The following COL7A1 variants were observed in gnomAD, a reference collection of about 807,000 sequenced individuals.
COL7A1 encodes collagen alpha-1(VII) chain.
Under a neutral mutation model 456.2 loss-of-function variants are expected in COL7A1, and 296 were observed. That is an observed-to-expected ratio of 0.65 (90% CI 0.59 to 0.71). The LOEUF (loss-of-function observed/expected upper bound fraction) is 0.71, where lower values mean the gene tolerates loss of function less well. Ranked by LOEUF, COL7A1 falls within the 30% of genes least tolerant of loss-of-function variation. The probability of loss-of-function intolerance (pLI) is 0.00; values close to 1 mark genes in which losing one functional copy is unlikely to be tolerated. For missense variants in COL7A1, 3,441 were observed against 4,017.2 expected (o/e 0.86, Z 3.88); for synonymous variants, 1,464 against 1,525.9 (o/e 0.96, Z 0.95).
chr3:48,576,124 T>A (rs2044280984), intron 71 of COL7A1, 125 bp downstream of exon 71: 1 of 1,485,918 alleles, frequency 6.7e-7, no homozygotes, highest in East Asian at 2.3e-5. Context: ...AGAACCCCAA[T>A]GGGGCAGGGC....
chr3:48,589,491 A>T, intron 17 of COL7A1, 21 bp from the exon 18 acceptor site: 1 of 1,613,318 alleles, frequency 6.2e-7, no homozygotes. Flanking sequence ...GGATGGAGGC[A>T]GCTCCAGGGC....
Position 48,594,717 on chromosome 3 carries a change from G to C in COL7A1, c.86-169C>G, listed in dbSNP as rs914369538. Among the ~76,000 whole-genome samples the C allele has an allele frequency of 6.6e-6, 1 of 152,150 alleles. No individual in the cohort carries two copies. Among genetic ancestry groups the C allele is most frequent in the Non-Finnish European group, 1.5e-5 (1 of 68,018 alleles). On this transcript the variant is annotated intron_variant, in intron 2 of 118. Transcript: ENST00000681320. The surrounding 1 kb of genome is among the most constrained non-coding windows in gnomAD (Gnocchi z 5.5). ...GGCCTTGGAGGGAGTTGAGCTCGGT[G>C]GGTCCCAGAGCAGACTCCCGCGGAG...
chr3:48,579,746 C>T lies in COL7A1; in HGVS notation c.5154+39G>A. 1 of 1,613,994 alleles carries T rather than the reference C, an allele frequency of 6.2e-7. No individual in the cohort carries two copies. The highest frequency in any genetic ancestry group is 8.5e-7 in the Non-Finnish European group (1 of 1,180,012). Reference sequence around the variant, plus strand: ...AAGGTAGAACCTGCTGGGAGGGGCACTGGGGTCTTTCTTACCCTCCACCCA... The same window carrying T: ...AAGGTAGAACCTGCTGGGAGGGGCATTGGGGTCTTTCTTACCCTCCACCCA... On this transcript the variant is annotated intron_variant, in intron 58 of 118. Coordinates refer to ENST00000681320, the MANE Select transcript of COL7A1 (RefSeq NM_000094.4). The surrounding 1 kb of genome is among the most constrained non-coding windows in gnomAD (Gnocchi z 4.4).
Position 48,581,620 on chromosome 3 carries a change from A to G in COL7A1, c.4735T>C (p.Leu1579=). The stretch of plus-strand genomic sequence containing the variant: ...GGGCCAGGGTCTCCAGGAAGAACCA[A>G]GCCGGGTGGGCCCTGTGGATGGAAG... ...GVQGERGPPG[L]VLPGDPGPKG... is the part of the protein sequence containing the mutation. The change falls in exon 50 of 119, where the codon TTG becomes CTG. Residue 1579 remains leucine, a synonymous_variant. Coordinates refer to ENST00000681320, the MANE Select transcript of COL7A1 (RefSeq NM_000094.4). This position sits in a 1 kb window ranked among gnomAD's most constrained non-coding sequence, Gnocchi z 5.8. 6.2e-7 allele frequency: 1 copy of G among 1,614,178 alleles called. No homozygotes were observed. Among genetic ancestry groups the G allele is most frequent in the Non-Finnish European group, 8.5e-7 (1 of 1,180,038 alleles).
rs777097228 is a variant in COL7A1, at chr3:48,576,513, C to T, written c.5736+9G>A. 3.4e-5 allele frequency: 54 copies of T among 1,611,868 alleles called. No individual in the cohort carries two copies. Among genetic ancestry groups the T allele is most frequent in the Non-Finnish European group, 4.0e-5 (47 of 1,179,340 alleles). On this transcript the variant is annotated intron_variant, in intron 69 of 118. Coordinates refer to ENST00000681320, the MANE Select transcript of COL7A1 (RefSeq NM_000094.4). The stretch of plus-strand genomic sequence containing the variant: ...CTCACCACGCCCCCTACCCAACATC[C>T]GCACTCACCTTGGGGCCCGTGCCTC...
Position 48,588,064 on chromosome 3 carries a change from C to A in COL7A1, c.2711-125G>T, listed in dbSNP as rs952126348. On this transcript the variant is annotated intron_variant, in intron 21 of 118. Coordinates refer to ENST00000681320, the MANE Select transcript of COL7A1 (RefSeq NM_000094.4). This position sits in a 1 kb window ranked among gnomAD's most constrained non-coding sequence, Gnocchi z 4.6. The stretch of plus-strand genomic sequence containing the variant: ...CACCCTCCTGACTGATCTTCCTCAT[C>A]CTCACTGACCCTGCCCACTTTACGG... 2.2e-6 allele frequency: 3 copies of A among 1,339,640 alleles called. No individual in the cohort carries two copies. The African/African-American group carries it at 4.3e-5, about 19-fold the overall frequency. The allele number at this position is 1,339,640 out of a possible 1,614,324, so 83.0% of individuals were successfully genotyped here. A position where few individuals can be genotyped will look rare whatever the true frequency, so the allele number is the denominator to read the frequency against.
Position 48,578,804 on chromosome 3 carries a change from A to C in COL7A1, c.5424+115T>G. On this transcript the variant is annotated intron_variant, in intron 63 of 118. Transcript: ENST00000681320. The surrounding 1 kb of genome is among the most constrained non-coding windows in gnomAD (Gnocchi z 4.7). ...TGTGCCAGGGACTGAGACCCTCCCA[A>C]AGGCAAGGCTGAACCGACCCCCCAC... The C allele has an allele frequency of 8.8e-7, 1 of 1,141,416 alleles. No homozygotes were observed. Among genetic ancestry groups the C allele is most frequent in the Non-Finnish European group, 1.2e-6 (1 of 816,040 alleles). The allele number at this position is 1,141,416 out of a possible 1,614,324, so 70.7% of individuals were successfully genotyped here.
At position 48,580,930 on chromosome 3, in the gene COL7A1, G is replaced by T. The variant is rs370507375; in HGVS notation, c.4936-4C>A. The T allele has an allele frequency of 4.3e-6, 7 of 1,613,930 alleles. No homozygotes were observed. The highest frequency in any genetic ancestry group is 5.9e-6 in the Non-Finnish European group (7 of 1,180,014). The stretch of plus-strand genomic sequence containing the variant: ...TTCCAGGCAAACCCGGGTCACCCTG[G>T]TGATAGAGAGAAAAGTCATACTGCA... On this transcript the variant is annotated splice_region_variant and splice_polypyrimidine_tract_variant and intron_variant, in intron 53 of 118. Coordinates refer to ENST00000681320, the MANE Select transcript of COL7A1 (RefSeq NM_000094.4). The surrounding 1 kb of genome is among the most constrained non-coding windows in gnomAD (Gnocchi z 4.5).
rs541920662 is a variant in COL7A1, at chr3:48,573,748, G to C, written c.6538-23C>G. 2.8e-5 allele frequency: 45 copies of C among 1,613,814 alleles called. No individual in the cohort carries two copies. In the South Asian group the frequency reaches 4.8e-4, roughly 17 times the overall value. ...ACCCTGTTGTGGCGAAAAAGAGTCT[G>C]ATGAGGGGGAGTTAGCCGCACCCCA... On this transcript the variant is annotated intron_variant, in intron 81 of 118. Coordinates refer to ENST00000681320, the MANE Select transcript of COL7A1 (RefSeq NM_000094.4). This position sits in a 1 kb window ranked among gnomAD's most constrained non-coding sequence, Gnocchi z 5.5.
Position 48,575,648 on chromosome 3 carries a change from T to TCGCCTGAGTCCCCCTTGGGGCCTCGA in COL7A1, c.5931_5956dup (p.Glu1986ValfsTer28). ...CACCTCCTTGCCTGGGGGGCCCTGTTCGCCTGAGTCCCCCTTGGGGCCTCG... is the reference window on the plus strand; with the variant it reads ...CACCTCCTTGCCTGGGGGGCCCTGTTCGCCTGAGTCCCCCTTGGGGCCTCGACGCCTGAGTCCCCCTTGGGGCCTCG... On this transcript the variant is annotated frameshift_variant, in exon 73 of 119. Coordinates refer to ENST00000681320, the MANE Select transcript of COL7A1 (RefSeq NM_000094.4). LOFTEE classifies it high-confidence loss of function. This position sits in a 1 kb window ranked among gnomAD's most constrained non-coding sequence, Gnocchi z 6.3. 6.2e-7 allele frequency: 1 copy of TCGCCTGAGTCCCCCTTGGGGCCTCGA among 1,613,442 alleles called. No homozygotes were observed. Among genetic ancestry groups the TCGCCTGAGTCCCCCTTGGGGCCTCGA allele is most frequent in the Non-Finnish European group, 8.5e-7 (1 of 1,180,012 alleles).
At position 48,569,683 on chromosome 3, in the gene COL7A1, G is replaced by C; in HGVS notation, c.7558-35C>G. 6.2e-7 allele frequency: 1 copy of C among 1,614,028 alleles called. No homozygotes were observed. The highest frequency in any genetic ancestry group is 8.5e-7 in the Non-Finnish European group (1 of 1,179,958). Reference sequence around the variant, plus strand: ...CAGGCAGGAATCAGAGGAGTCGGGAGCACCCTGGCCCCTGCCCTGCCCTCC... The same window carrying C: ...CAGGCAGGAATCAGAGGAGTCGGGACCACCCTGGCCCCTGCCCTGCCCTCC... On this transcript the variant is annotated intron_variant, in intron 101 of 118. Coordinates refer to ENST00000681320, the MANE Select transcript of COL7A1 (RefSeq NM_000094.4). This position sits in a 1 kb window ranked among gnomAD's most constrained non-coding sequence, Gnocchi z 4.9.
In COL7A1 at chr3:48,590,401, C is replaced by T; in HGVS notation, c.1907-45G>A. 3 of 1,614,106 alleles carry T rather than the reference C, an allele frequency of 1.9e-6. No individual in the cohort carries two copies. Among genetic ancestry groups the T allele is most frequent in the Non-Finnish European group, 2.5e-6 (3 of 1,180,008 alleles). ...CTGGCATGGCTCCTGCCTGTCCCCT[C>T]TGGCACCCATACCCTCATTGGTCCC... On this transcript the variant is annotated intron_variant, in intron 15 of 118. Transcript: ENST00000681320. This position sits in a 1 kb window ranked among gnomAD's most constrained non-coding sequence, Gnocchi z 4.6.
rs780170138 is a variant in COL7A1, at chr3:48,587,560, GGA to G, written c.2858-8_2858-7del. ...GCTTGGAACACGAGGTGACTCTGAA[GGA>G]GGAATGAAAGATCGAGGATCAGAGG... On this transcript the variant is annotated splice_polypyrimidine_tract_variant and splice_region_variant and intron_variant, in intron 22 of 118. Coordinates refer to ENST00000681320, the MANE Select transcript of COL7A1 (RefSeq NM_000094.4). This position sits in a 1 kb window ranked among gnomAD's most constrained non-coding sequence, Gnocchi z 6.1. 2 of 1,613,504 alleles carry G rather than the reference GGA, an allele frequency of 1.2e-6. No individual in the cohort carries two copies. Among genetic ancestry groups the G allele is most frequent in the Non-Finnish European group, 1.7e-6 (2 of 1,180,040 alleles).
rs1262223813 is a variant in COL7A1, at chr3:48,591,187, G to A, written c.1636+277C>T. Among the ~76,000 whole-genome samples the A allele has an allele frequency of 2.0e-5, 3 of 152,174 alleles. No individual in the cohort carries two copies. Among genetic ancestry groups the A allele is most frequent in the Non-Finnish European group, 4.4e-5 (3 of 68,034 alleles). On this transcript the variant is annotated intron_variant, in intron 13 of 118. Coordinates refer to ENST00000681320, the MANE Select transcript of COL7A1 (RefSeq NM_000094.4). The surrounding 1 kb of genome is among the most constrained non-coding windows in gnomAD (Gnocchi z 7.0). ...TTGGTGTACAGTGGTCACCACTAGG[G>A]TAACAGAAAGACAGGTGATTGAGCT... is the stretch of plus-strand genomic sequence containing the variant.
intron 65 of COL7A1, 42 bp from the exon 66 acceptor site, chr3:48,577,069 G>A: frequency 6.2e-7 from 1 of 1,612,780 alleles, no homozygotes; most frequent in Non-Finnish European, 8.5e-7. Flanking sequence ...ATTCACTGGT[G>A]TCTGGCTGCA....
intron 46 of COL7A1, 41 bp downstream of exon 46, chr3:48,582,437 T>A (rs2044832482): frequency 4.3e-6 from 7 of 1,614,006 alleles, no homozygotes; most frequent in Non-Finnish European, 5.9e-6. Flanking sequence ...ATCTGCCACA[T>A]CCCTAGTACC....
At position 48,583,325 on chromosome 3, in the gene COL7A1, C is replaced by T. The variant is rs2044921888; in HGVS notation, c.4437+68G>A. On this transcript the variant is annotated intron_variant, in intron 42 of 118. Coordinates refer to ENST00000681320, the MANE Select transcript of COL7A1 (RefSeq NM_000094.4). This position sits in a 1 kb window ranked among gnomAD's most constrained non-coding sequence, Gnocchi z 5.1. ...GAACTCTTATCTCCTTATCTTCCAG[C>T]CTCCCCTAACACCATGGGGAGCCCA... The T allele has an allele frequency of 6.2e-7, 1 of 1,609,752 alleles. No individual in the cohort carries two copies. The highest frequency in any genetic ancestry group is 1.7e-5 in the Admixed American group (1 of 59,948).
intron 47 of COL7A1, 148 bp from the exon 48 acceptor site, chr3:48,582,091 G>A (rs1021373590): frequency 3.0e-6 from 4 of 1,337,004 alleles, no homozygotes; most frequent in East Asian, 4.6e-5. Flanking sequence ...CAGCAGGGAA[G>A]GGGTTATACA....
rs200086083 is a variant in COL7A1 at position 48,592,451 on chromosome 3, C to T, written c.993G>A (p.Pro331=). ...CTGTGGTATTCTGGATGGTCAGTTCCGGCCCTTCTAGGGCAGCTGGGGGAG... is the reference window on the plus strand; with the variant it reads ...CTGTGGTATTCTGGATGGTCAGTTCTGGCCCTTCTAGGGCAGCTGGGGGAG... ...GTARTTALEG[P]ELTIQNTTAH... Residue 331 remains proline (P), a synonymous_variant, in exon 9 of 119, where the codon CCG becomes CCA. Transcript: ENST00000681320. The surrounding 1 kb of genome is among the most constrained non-coding windows in gnomAD (Gnocchi z 7.6). 6.2e-6 allele frequency: 10 copies of T among 1,613,542 alleles called. No individual in the cohort carries two copies. The highest frequency in any genetic ancestry group is 1.6e-4 in the Middle Eastern group (1 of 6,082).
Sources: allele counts gnomAD v4.1 joint callset (sites outside exome capture counted in the v4.1 genomes callset), GRCh38; gene constraint gnomAD v4.1.1; non-coding constraint Gnocchi (gnomAD v3.1); transcripts MANE v1.5; gene names NCBI Gene and HGNC (gene_info 2026-07-23, HGNC 2026-07-21).